SLC8A1: variants seen among roughly 807,000 people sequenced by gnomAD.
The protein encoded by SLC8A1 is solute carrier family 8 member A1.
SLC8A1 carries 18 observed loss-of-function variants against 68.3 expected under a neutral mutation model. That is an observed-to-expected ratio of 0.26 (90% CI 0.18 to 0.39). The LOEUF (loss-of-function observed/expected upper bound fraction) is 0.39, where lower values mean the gene tolerates loss of function less well. SLC8A1 is among the 10% of genes least tolerant of loss of function. The pLI, the probability that SLC8A1 is intolerant of heterozygous loss-of-function variation, is 1.00. For missense variants in SLC8A1, 985 were observed against 1,156.7 expected (o/e 0.85, Z 2.15); for synonymous variants, 475 against 415.5 (o/e 1.14, Z -1.74).
chr2:40,439,119 A>G (rs941923315), intron 1 of SLC8A1, among the ~76,000 whole-genome samples: 3 of 152,028 alleles, frequency 2.0e-5, no homozygotes, highest in African/African-American at 7.2e-5. Context: ...AGGGCAGAGG[A>G]GGACAGATCT....
chr2:40,252,749 G>A (rs939818499), intron 2 of SLC8A1, among the ~76,000 whole-genome samples: 1 of 143,572 alleles, frequency 7.0e-6, no homozygotes, highest in African/African-American at 2.9e-5. Context: ...TTATTGGAGA[G>A]TTTCAATTTA....
chr2:40,375,992 C>A (rs985661759), intron 2 of SLC8A1, among the ~76,000 whole-genome samples: 6 of 152,028 alleles, frequency 3.9e-5, no homozygotes, highest in African/African-American at 9.6e-5. Context: ...CAGAGCAAGA[C>A]CCTGTCTCAA....
rs554307907 is a variant in SLC8A1, at chr2:40,125,336, A to G, written c.2438-9707T>C. 1.3e-3 allele frequency among the ~76,000 whole-genome samples: 191 copies of G among 152,330 alleles called. 1 individual carries two copies. Among genetic ancestry groups the G allele is most frequent in the African/African-American group, 4.3e-3 (180 of 41,586 alleles). Reference sequence around the variant, plus strand: ...AAGAGGAGATAGCCTTGACATCAGGATCTGGCCTGGGATCCAGTGTCCCGA... The same window carrying G: ...AAGAGGAGATAGCCTTGACATCAGGGTCTGGCCTGGGATCCAGTGTCCCGA... On this transcript the variant is annotated intron_variant, in intron 7 of 7. Transcript: ENST00000406785.
intron 2 of SLC8A1, among the ~76,000 whole-genome samples, chr2:40,277,403 G>A (rs2066860814): frequency 6.6e-6 from 1 of 152,028 alleles, no homozygotes; most frequent in Non-Finnish European, 1.5e-5. Context: ...AGCCAGGCGT[G>A]GTGGTGGGTG....
chr2:40,300,048 A>G (rs2071152858), intron 2 of SLC8A1, among the ~76,000 whole-genome samples: 1 of 152,120 alleles, frequency 6.6e-6, no homozygotes, highest in Non-Finnish European at 1.5e-5. Context: ...ACTGTCCTCA[A>G]AGTTTCAGGT....
chr2:40,163,582 C>A (rs1014168223), intron 5 of SLC8A1, among the ~76,000 whole-genome samples: 4 of 152,186 alleles, frequency 2.6e-5, no homozygotes, highest in African/African-American at 9.7e-5. Context: ...GGAACTTGTG[C>A]ACATTCCAGG....
At chr2:40,486,829 C>T (rs1415777601) in intron 1 of SLC8A1, among the ~76,000 whole-genome samples, 2 of 149,244 alleles carry the variant, frequency 1.3e-5, no homozygotes, top group African/African-American at 2.5e-5. Context: ...CCTGTTAACT[C>T]GTCATTTACA....
chr2:40,342,914 G>A (rs1040870594), intron 2 of SLC8A1, among the ~76,000 whole-genome samples: 5 of 152,078 alleles, frequency 3.3e-5, no homozygotes, highest in Admixed American at 2.0e-4. Context: ...ATTTATAACT[G>A]GGTAAAATGT....
At chr2:40,254,886 A>G (rs2063631079) in intron 2 of SLC8A1, 1 of 152,112 alleles carries the variant, frequency 6.6e-6, no homozygotes, top group Non-Finnish European at 1.5e-5. Flanking sequence ...TACATCAAAG[A>G]GTGAACACTG....
chr2:40,123,781 A>C (rs1267880484), intron 7 of SLC8A1, among the ~76,000 whole-genome samples: 3 of 152,230 alleles, frequency 2.0e-5, no homozygotes, highest in Non-Finnish European at 4.4e-5. Flanking sequence ...GAAAAAAGCA[A>C]GGGCAAATTT....
intron 2 of SLC8A1, among the ~76,000 whole-genome samples, chr2:40,397,648 T>C (rs1214501085): frequency 3.3e-5 from 5 of 152,154 alleles, no homozygotes; most frequent in African/African-American, 9.7e-5. Context: ...ATATGTATAG[T>C]TTCATAAATG....
chr2:40,429,868 G>A, exon 2 of SLC8A1: 1 of 1,613,472 alleles, frequency 6.2e-7, no homozygotes. Context: ...GGCCATCAAG[G>A]TCAGGTTAGA....
At chr2:40,223,888 T>C (rs1481250108) in intron 2 of SLC8A1, 1 of 152,090 alleles carries the variant, frequency 6.6e-6, no homozygotes, top group East Asian at 1.9e-4. Flanking sequence ...TAATTTATAA[T>C]AGGAGAAGTT....
chr2:40,236,198 G>A (rs2060344787), intron 2 of SLC8A1, among the ~76,000 whole-genome samples: 2 of 151,418 alleles, frequency 1.3e-5, no homozygotes, highest in South Asian at 2.1e-4. Context: ...TTGACAGTGG[G>A]GTGTTAAAGT....
intron 1 of SLC8A1, among the ~76,000 whole-genome samples, chr2:40,471,024 T>C (rs1703960672): frequency 6.6e-6 from 1 of 152,158 alleles, no homozygotes; most frequent in African/African-American, 2.4e-5. Flanking sequence ...GCTTTTAAAA[T>C]GGGAAGACTT....
intron 2 of SLC8A1, among the ~76,000 whole-genome samples, chr2:40,320,676 T>C (rs1185660656): frequency 6.6e-6 from 1 of 152,138 alleles, no homozygotes; most frequent in Non-Finnish European, 1.5e-5. Context: ...TGAAGAATGG[T>C]TTGATGTTAA....
chr2:40,180,937 A>G (rs998424142), intron 2 of SLC8A1, among the ~76,000 whole-genome samples: 3 of 144,672 alleles, frequency 2.1e-5, no homozygotes, highest in South Asian at 2.2e-4. Context: ...ATAAATATTT[A>G]AATCTTTTAA....
intron 2 of SLC8A1, among the ~76,000 whole-genome samples, chr2:40,414,216 T>G (rs1693101825): frequency 6.6e-6 from 1 of 152,166 alleles, no homozygotes; most frequent in Non-Finnish European, 1.5e-5. Flanking sequence ...CAGTGTTGAT[T>G]TTGTTGGAAA....
chr2:40,347,939 C>T (rs1031788747), intron 2 of SLC8A1, among the ~76,000 whole-genome samples: 1 of 152,128 alleles, frequency 6.6e-6, no homozygotes, highest in African/African-American at 2.4e-5. Context: ...TAAGATGGCC[C>T]ACTTGAAATT....
Sources: allele counts gnomAD v4.1 joint callset (sites outside exome capture counted in the v4.1 genomes callset), GRCh38; gene constraint gnomAD v4.1.1; transcripts MANE v1.5; gene names NCBI Gene and HGNC (gene_info 2026-07-23, HGNC 2026-07-21).